MYO1H: variants seen among roughly 807,000 people sequenced by gnomAD.
The protein encoded by MYO1H is unconventional myosin-Ih.
A neutral mutation model predicts 149.3 loss-of-function variants in MYO1H; 118 were observed. The ratio of observed to expected loss-of-function variants is 0.79; its 90% CI spans 0.68 to 0.92. The LOEUF is 0.92. Among genes scored for constraint, MYO1H ranks in the 40% least tolerant of loss-of-function variants. The probability of loss-of-function intolerance (pLI) is 0.00; values close to 1 mark genes in which losing one functional copy is unlikely to be tolerated. For missense variants in MYO1H, 1,212 were observed against 1,280.7 expected, an observed-to-expected ratio of 0.95 and a Z score of 0.82; for synonymous variants, 447 against 465.2, an observed-to-expected ratio of 0.96 and a Z score of 0.50.
chr12:109,318,468 G>A, the MYO1H span, among the ~76,000 whole-genome samples: 2 of 152,136 alleles, frequency 1.3e-5, no homozygotes, highest in Non-Finnish European at 2.9e-5. Context: ...GAGCAGGCTG[G>A]CACACATGAC....
At chr12:109,337,956 C>G in the MYO1H span, among the ~76,000 whole-genome samples, 1 of 152,014 alleles carries the variant, frequency 6.6e-6, no homozygotes, top group African/African-American at 2.4e-5. Context: ...TACATAGGTA[C>G]AAAAAGCTCC....
In MYO1H at chr12:109,396,602, C is replaced by A; in HGVS notation, c.489+20C>A. On this transcript the variant is annotated intron_variant, in intron 4 of 31. Transcript: ENST00000310903. ...CTGGAGGTAAGCGATCTCTGGGGAC[C>A]AATCGAAGGGAGTTCCAGGGAGGTC... 3 of 1,595,260 alleles carry A rather than the reference C, an allele frequency of 1.9e-6. No homozygotes were observed. The highest frequency in any genetic ancestry group is 2.6e-6 in the Non-Finnish European group (3 of 1,170,106).
chr12:109,316,273 T>G, the MYO1H span, among the ~76,000 whole-genome samples: 2 of 152,196 alleles, frequency 1.3e-5, no homozygotes, highest in African/African-American at 4.8e-5. Context: ...AACAGCTTTA[T>G]CCTGCAAACA....
chr12:109,368,738 G>C (rs191786450), intron 1 of MYO1H, among the ~76,000 whole-genome samples: 1 of 151,458 alleles, frequency 6.6e-6, no homozygotes, highest in African/African-American at 2.4e-5. Flanking sequence ...AGGGGTACAC[G>C]TGCAGGTTTG....
At chr12:109,406,419 T>A (rs529760268) in intron 8 of MYO1H, among the ~76,000 whole-genome samples, 18 of 135,422 alleles carry the variant, frequency 1.3e-4, no homozygotes, top group African/African-American at 4.7e-4. Flanking sequence ...TGAGCCATGA[T>A]CATGCCACTG....
chr12:109,338,933 G>A, the MYO1H span, among the ~76,000 whole-genome samples: 1 of 152,126 alleles, frequency 6.6e-6, no homozygotes, highest in African/African-American at 2.4e-5. Context: ...GGAAGCAATA[G>A]GGTTCCTGTT....
chr12:109,430,006 C>T (rs1775655755), intron 19 of MYO1H, among the ~76,000 whole-genome samples: 1 of 152,230 alleles, frequency 6.6e-6, no homozygotes, highest in Non-Finnish European at 1.5e-5. Flanking sequence ...CATAAGGGCA[C>T]TAATCTCATT....
intron 1 of MYO1H, among the ~76,000 whole-genome samples, chr12:109,358,283 T>C (rs1367690119): frequency 6.6e-6 from 1 of 152,126 alleles, no homozygotes; most frequent in East Asian, 1.9e-4. Context: ...TATACAAGAC[T>C]GTAAACCTGA....
intron 1 of MYO1H, among the ~76,000 whole-genome samples, chr12:109,349,886 G>A (rs559459068): frequency 1.0e-3 from 155 of 150,628 alleles, no homozygotes; most frequent in African/African-American, 3.5e-3. Flanking sequence ...GCGTGAACCC[G>A]GGAGGCAGAG....
At chr12:109,328,123 AACAC>A in the MYO1H span, among the ~76,000 whole-genome samples, 6 of 146,226 alleles carry the variant, frequency 4.1e-5, no homozygotes, top group South Asian at 6.5e-4. Context: ...TGGGGATCAT[AACAC>A]ACACACACAC....
intron 31 of MYO1H, chr12:109,445,876 C>G: frequency 1.0e-6 from 1 of 985,344 alleles, no homozygotes; most frequent in Non-Finnish European, 1.2e-6. Flanking sequence ...TCCCAAATAG[C>G]AGAGTCTAAC....
chr12:109,337,297 A>G, the MYO1H span, among the ~76,000 whole-genome samples: 2 of 152,198 alleles, frequency 1.3e-5, no homozygotes, highest in Non-Finnish European at 2.9e-5. Context: ...GAGGAAGACC[A>G]TAACTGTAGT....
chr12:109,447,615 G>A lies in MYO1H; in HGVS notation c.*433G>A, dbSNP rs1268014735. On this transcript the variant is annotated 3_prime_UTR_variant, in exon 32 of 32. Transcript: ENST00000310903. ...TGATTCCTGGGCAGGGCCACTGTCT[G>A]GGTGGAGTCTGTATGTTCTCCCCAT... is the stretch of plus-strand genomic sequence containing the variant. The A allele has an allele frequency of 1.5e-5, 3 of 204,718 alleles. No homozygotes were observed. In the East Asian group the frequency reaches 3.1e-4, roughly 21 times the overall value. The allele number at this position is 204,718 out of a possible 1,614,324, so 12.7% of individuals were successfully genotyped here.
chr12:109,343,211 A>G (rs1446043205), upstream of MYO1H, among the ~76,000 whole-genome samples: 2 of 152,268 alleles, frequency 1.3e-5, no homozygotes, highest in Admixed American at 6.5e-5. Context: ...AAGCTCAAAC[A>G]ATGTGAATTT....
At chr12:109,411,448 G>A (rs1482294919) in intron 13 of MYO1H, among the ~76,000 whole-genome samples, 1 of 152,196 alleles carries the variant, frequency 6.6e-6, no homozygotes, top group Non-Finnish European at 1.5e-5. Context: ...CATTCTTGAG[G>A]ACGAAAAATA....
intron 1 of MYO1H, among the ~76,000 whole-genome samples, chr12:109,374,366 G>T (rs1446680977): frequency 6.6e-6 from 1 of 152,148 alleles, no homozygotes; most frequent in African/African-American, 2.4e-5. Context: ...TAAAATGGGA[G>T]CTAAAATACC....
chr12:109,425,835 G>T (rs1466300369), intron 17 of MYO1H, 111 bp from the exon 18 acceptor site: 4 of 777,960 alleles, frequency 5.1e-6, no homozygotes, highest in Non-Finnish European at 8.7e-6. Context: ...TCTGTCAATA[G>T]TTCAGCTCTA....
At chr12:109,442,384 C>A in intron 27 of MYO1H, 112 bp downstream of exon 27, 1 of 826,042 alleles carries the variant, frequency 1.2e-6, no homozygotes, top group Non-Finnish European at 2.0e-6. Flanking sequence ...TGCAGCTGGG[C>A]AGCTGGGGCT....
At chr12:109,447,603 G>C (rs1244413472) in exon 32 of MYO1H, 1 of 206,886 alleles carries the variant, frequency 4.8e-6, no homozygotes, top group Non-Finnish European at 1.0e-5. Flanking sequence ...TTCCTGGGCA[G>C]GGCCACTGTC....
Sources: allele counts gnomAD v4.1 joint callset (sites outside exome capture counted in the v4.1 genomes callset), GRCh38; gene constraint gnomAD v4.1.1; transcripts MANE v1.5; gene names NCBI Gene and HGNC (gene_info 2026-07-23, HGNC 2026-07-21).